Variants in PALS2 observed in about 807,000 individuals in gnomAD.
The protein encoded by PALS2 is protein associated with LIN7 2, MAGUK p55 family member.
PALS2 carries 27 observed loss-of-function variants against 61.6 expected under a neutral mutation model. The observed-to-expected ratio is 0.44, with a 90% CI of 0.32 to 0.60. The LOEUF (loss-of-function observed/expected upper bound fraction) is 0.60, where lower values mean the gene tolerates loss of function less well. PALS2 is among the 20% of genes least tolerant of loss of function. PALS2 has a pLI of 0.05. For missense variants in PALS2, 554 were observed against 639.4 expected, an observed-to-expected ratio of 0.87 and a Z score of 1.44; for synonymous variants, 236 against 218.6, an observed-to-expected ratio of 1.08 and a Z score of -0.70.
rs142738703 is a variant in PALS2 at position 24,683,416 on chromosome 7, C to G, written c.1446+2896C>G. 8.3e-3 allele frequency among the ~76,000 whole-genome samples: 1,265 copies of G among 152,066 alleles called. 16 individuals are homozygous for G. Among genetic ancestry groups the G allele is most frequent in the African/African-American group, 0.028 (1,175 of 41,476 alleles). ...TTTTAGTTTCATGAGCACGTATGTT[C>G]AAACTTATCTGGTGTGCTTTATTCT... On this transcript the variant is annotated intron_variant, in intron 11 of 11. Transcript: ENST00000222644.
At chr7:24,595,819 C>T (rs1379778189) in intron 1 of PALS2, among the ~76,000 whole-genome samples, 2 of 151,158 alleles carry the variant, frequency 1.3e-5, no homozygotes, top group Admixed American at 6.7e-5. Context: ...GTAATAGTTA[C>T]ACTGTGACAA....
intron 11 of PALS2, 46 bp downstream of exon 11, chr7:24,680,566 T>G (rs1787870307): frequency 6.3e-7 from 1 of 1,575,634 alleles, no homozygotes; most frequent in East Asian, 2.3e-5. Context: ...TCCTTTTCTT[T>G]TGAGCATGTT....
At chr7:24,639,721 G>A (rs559402233) in intron 2 of PALS2, among the ~76,000 whole-genome samples, 75 of 146,152 alleles carry the variant, frequency 5.1e-4, no homozygotes, top group African/African-American at 1.8e-3. Context: ...AATATTGAGT[G>A]TCCTCATCTT....
chr7:24,579,159 T>C (rs911609087), intron 1 of PALS2, among the ~76,000 whole-genome samples: 1 of 152,200 alleles, frequency 6.6e-6, no homozygotes, highest in South Asian at 2.1e-4. Flanking sequence ...TGCAAGTGTT[T>C]TGTAAGCATC....
At chr7:24,633,547 G>A (rs1430803335) in intron 2 of PALS2, among the ~76,000 whole-genome samples, 1 of 146,788 alleles carries the variant, frequency 6.8e-6, no homozygotes, top group Admixed American at 7.3e-5. Context: ...TTAGAATTCG[G>A]GGTTTTTAAT....
At chr7:24,664,262 G>A (rs952894608) in intron 6 of PALS2, among the ~76,000 whole-genome samples, 3 of 152,148 alleles carry the variant, frequency 2.0e-5, no homozygotes, top group African/African-American at 7.2e-5. Flanking sequence ...TATGGAAAGA[G>A]ATGTGTATTA....
chr7:24,595,445 AAT>A (rs1240819709), intron 1 of PALS2, among the ~76,000 whole-genome samples: 2 of 140,274 alleles, frequency 1.4e-5, no homozygotes, highest in South Asian at 4.2e-4. Flanking sequence ...TAAAATACAT[AAT>A]ATATAATATA....
chr7:24,587,637 A>G (rs1028173897), intron 1 of PALS2, among the ~76,000 whole-genome samples: 5 of 151,234 alleles, frequency 3.3e-5, no homozygotes, highest in Admixed American at 3.3e-4. Context: ...TTGGCCTCCC[A>G]TAGTGCTGGG....
chr7:24,686,041 G>T (rs776619224), intron 11 of PALS2, among the ~76,000 whole-genome samples: 15 of 152,090 alleles, frequency 9.9e-5, no homozygotes, highest in Non-Finnish European at 1.9e-4. Flanking sequence ...AGCACACTTT[G>T]TTTCCCCCAG....
At chr7:24,680,668 T>A in intron 11 of PALS2, 148 bp downstream of exon 11, 1 of 1,093,322 alleles carries the variant, frequency 9.1e-7, no homozygotes, top group Non-Finnish European at 1.2e-6. Flanking sequence ...CGATCTCAGC[T>A]CGTTGCAACC....
chr7:24,643,388 C>T (rs539794581), intron 3 of PALS2, among the ~76,000 whole-genome samples: 5 of 152,140 alleles, frequency 3.3e-5, no homozygotes, highest in Non-Finnish European at 7.4e-5. Flanking sequence ...ACCCAGATCA[C>T]TATTGTACTC....
intron 5 of PALS2, among the ~76,000 whole-genome samples, chr7:24,660,871 G>A (rs1354053146): frequency 6.6e-6 from 1 of 152,124 alleles, no homozygotes; most frequent in African/African-American, 2.4e-5. Flanking sequence ...CAGTTCTTTT[G>A]TAGAATGTTA....
At chr7:24,591,765 G>A (rs1450691548) in intron 1 of PALS2, among the ~76,000 whole-genome samples, 2 of 151,880 alleles carry the variant, frequency 1.3e-5, no homozygotes, top group Admixed American at 6.6e-5. Context: ...TTTTTTATCT[G>A]TATTTCTCTT....
chr7:24,607,818 A>G lies in PALS2; in HGVS notation c.-2-15848A>G, dbSNP rs190759572. Among the ~76,000 whole-genome samples, 5 of 152,152 alleles carry G rather than the reference A, an allele frequency of 3.3e-5. No individual in the cohort carries two copies. In the East Asian group the frequency reaches 9.6e-4, roughly 29 times the overall value. The stretch of plus-strand genomic sequence containing the variant: ...GCATGCATACAATGAAGTACTAGGT[A>G]TCTCTAAAAGAATGAGCTTCAATAT... On this transcript the variant is annotated intron_variant, in intron 1 of 11. Transcript: ENST00000222644.
At chr7:24,602,516 G>A (rs1783756381) in intron 1 of PALS2, among the ~76,000 whole-genome samples, 1 of 152,122 alleles carries the variant, frequency 6.6e-6, no homozygotes, top group Admixed American at 6.6e-5. Flanking sequence ...GTCATATTCT[G>A]TAGACTATGA....
At chr7:24,632,786 T>G (rs1785054643) in intron 2 of PALS2, among the ~76,000 whole-genome samples, 1 of 152,206 alleles carries the variant, frequency 6.6e-6, no homozygotes, top group Admixed American at 6.5e-5. Flanking sequence ...ATTTGTTGCC[T>G]GCTTGCCTGC....
intron 9 of PALS2, chr7:24,674,622 C>G (rs1562658782): frequency 6.6e-6 from 1 of 152,190 alleles, no homozygotes; most frequent in African/African-American, 2.4e-5. Context: ...CATCTCCTCT[C>G]AAAGTATTTT....
At chr7:24,578,778 C>T (rs1242289783) in intron 1 of PALS2, among the ~76,000 whole-genome samples, 27 of 152,158 alleles carry the variant, frequency 1.8e-4, no homozygotes, top group Admixed American at 1.6e-3. Context: ...AACAGACAAT[C>T]CAAGTAGGTG....
chr7:24,657,876 A>AGTCCT (rs1432639504), intron 5 of PALS2, among the ~76,000 whole-genome samples: 1 of 152,170 alleles, frequency 6.6e-6, no homozygotes, highest in East Asian at 1.9e-4. Flanking sequence ...GTTAATTTTT[A>AGTCCT]TATAGGATGT....
Sources: allele counts gnomAD v4.1 joint callset (sites outside exome capture counted in the v4.1 genomes callset), GRCh38; gene constraint gnomAD v4.1.1; transcripts MANE v1.5; gene names NCBI Gene and HGNC (gene_info 2026-07-23, HGNC 2026-07-21).